The following LRMDA variants were observed in gnomAD, a reference collection of about 807,000 sequenced individuals.
LRMDA encodes leucine-rich melanocyte differentiation-associated protein.
Under a neutral mutation model 29.8 loss-of-function variants are expected in LRMDA, and 18 were observed. The observed-to-expected ratio is 0.60, with a 90% CI of 0.42 to 0.90. The LOEUF (loss-of-function observed/expected upper bound fraction) is 0.90, where lower values mean the gene tolerates loss of function less well. Ranked by LOEUF, LRMDA falls within the 40% of genes least tolerant of loss-of-function variation. The probability of loss-of-function intolerance (pLI) is 0.00; values close to 1 mark genes in which losing one functional copy is unlikely to be tolerated. For missense variants in LRMDA, 273 were observed against 273.9 expected, an observed-to-expected ratio of 1.00 and a Z score of 0.02; for synonymous variants, 125 against 109.4, an observed-to-expected ratio of 1.14 and a Z score of -0.89.
chr10:75,528,976 G>T (rs967279402), intron 2 of LRMDA, among the ~76,000 whole-genome samples: 8 of 152,118 alleles, frequency 5.3e-5, no homozygotes, highest in Non-Finnish European at 8.8e-5. Flanking sequence ...TTCTTAGAAA[G>T]CAGAGTAAGA....
chr10:76,470,741 T>C (rs1842609722), intron 6 of LRMDA, among the ~76,000 whole-genome samples: 2 of 151,994 alleles, frequency 1.3e-5, no homozygotes, highest in Admixed American at 1.3e-4. Context: ...CAAGGACTGG[T>C]AGCAGAAGGG....
At chr10:75,480,453 G>A (rs2915030) in intron 2 of LRMDA, among the ~76,000 whole-genome samples, 2 of 121,070 alleles carry the variant, frequency 1.7e-5, no homozygotes, top group South Asian at 2.7e-4. Context: ...CAGGCGGCAT[G>A]TCTGTCCTCA....
At chr10:76,444,945 A>C in intron 6 of LRMDA, among the ~76,000 whole-genome samples, 1 of 152,250 alleles carries the variant, frequency 6.6e-6, no homozygotes, top group Admixed American at 6.5e-5. Flanking sequence ...GTACATATAT[A>C]TGTATATTTA....
rs149405317 is a variant in LRMDA at position 76,326,743 on chromosome 10, T to A, written c.601+2258T>A. ...CTTTTATGTAACTTCCAATGTCAAC[T>A]ATGATAGGTCCAAGATTCATGTCCT... On this transcript the variant is annotated intron_variant, in intron 6 of 6. Transcript: ENST00000611255. 1.9e-3 allele frequency among the ~76,000 whole-genome samples: 294 copies of A among 152,338 alleles called. 2 individuals carry two copies. The highest frequency in any genetic ancestry group is 6.4e-3 in the African/African-American group (264 of 41,574).
intron 2 of LRMDA, among the ~76,000 whole-genome samples, chr10:75,518,373 T>C (rs1488470714): frequency 6.6e-6 from 1 of 152,156 alleles, no homozygotes; most frequent in Non-Finnish European, 1.5e-5. Context: ...ATTGCCTCAA[T>C]CAGAGCCTGT....
At chr10:76,545,525 A>G (rs1460410817) in intron 6 of LRMDA, among the ~76,000 whole-genome samples, 1 of 151,988 alleles carries the variant, frequency 6.6e-6, no homozygotes, top group Non-Finnish European at 1.5e-5. Context: ...GTTCAGATCT[A>G]TTCTACATAT....
intron 5 of LRMDA, among the ~76,000 whole-genome samples, chr10:76,106,012 G>T (rs1849478315): frequency 1.3e-5 from 2 of 152,146 alleles, no homozygotes; most frequent in Admixed American, 1.3e-4. Context: ...CTCCCAAAGT[G>T]CTGGGATTAT....
At chr10:75,948,419 A>T (rs779223344) in intron 2 of LRMDA, among the ~76,000 whole-genome samples, 2 of 152,210 alleles carry the variant, frequency 1.3e-5, no homozygotes, top group Non-Finnish European at 2.9e-5. Context: ...TTTATTACGC[A>T]GTCTTCATTA....
intron 6 of LRMDA, among the ~76,000 whole-genome samples, chr10:76,411,750 C>T (rs1203480498): frequency 1.3e-5 from 2 of 152,232 alleles, no homozygotes; most frequent in African/African-American, 4.8e-5. Flanking sequence ...ACGCCCCTGA[C>T]AGGGGGCACA....
At chr10:75,619,473 G>C (rs1287283612) in intron 2 of LRMDA, among the ~76,000 whole-genome samples, 2 of 152,168 alleles carry the variant, frequency 1.3e-5, no homozygotes, top group Non-Finnish European at 2.9e-5. Context: ...AGTGTCAGCA[G>C]TTGTAGTTCA....
chr10:75,477,069 C>T (rs1844804009), intron 2 of LRMDA, among the ~76,000 whole-genome samples: 1 of 151,896 alleles, frequency 6.6e-6, no homozygotes, highest in South Asian at 2.1e-4. Flanking sequence ...CAGCTCACTG[C>T]TGCCTTGAAC....
chr10:75,786,665 A>G (rs1843477351), intron 2 of LRMDA, among the ~76,000 whole-genome samples: 1 of 152,136 alleles, frequency 6.6e-6, no homozygotes, highest in Non-Finnish European at 1.5e-5. Context: ...CTTTCCAGGA[A>G]GAATTTTGTT....
At chr10:75,522,778 G>A (rs1288993369) in intron 2 of LRMDA, among the ~76,000 whole-genome samples, 1 of 152,208 alleles carries the variant, frequency 6.6e-6, no homozygotes, top group Non-Finnish European at 1.5e-5. Context: ...AAAAGGGCAG[G>A]TATGTGGAGA....
intron 2 of LRMDA, among the ~76,000 whole-genome samples, chr10:75,500,462 T>G (rs1411716309): frequency 6.6e-6 from 1 of 152,212 alleles, no homozygotes; most frequent in Non-Finnish European, 1.5e-5. Flanking sequence ...CTCTTAAGAA[T>G]TCTTTCAGCT....
intron 6 of LRMDA, among the ~76,000 whole-genome samples, chr10:76,493,853 T>G (rs1842857037): frequency 6.6e-6 from 1 of 152,100 alleles, no homozygotes; most frequent in Non-Finnish European, 1.5e-5. Flanking sequence ...TTTCAATCCA[T>G]GCACATATTA....
intron 6 of LRMDA, among the ~76,000 whole-genome samples, chr10:76,347,847 T>A (rs1841127660): frequency 6.6e-6 from 1 of 152,220 alleles, no homozygotes; most frequent in Non-Finnish European, 1.5e-5. Flanking sequence ...ATTGGTATCA[T>A]CATTGGTTTA....
intron 2 of LRMDA, among the ~76,000 whole-genome samples, chr10:75,652,155 G>A (rs1334411708): frequency 6.6e-6 from 1 of 151,862 alleles, no homozygotes; most frequent in East Asian, 1.9e-4. Flanking sequence ...AAAATTCATT[G>A]CAGCCATGGG....
chr10:76,251,427 T>C (rs1852481269), intron 5 of LRMDA, among the ~76,000 whole-genome samples: 1 of 150,790 alleles, frequency 6.6e-6, no homozygotes, highest in Non-Finnish European at 1.5e-5. Context: ...TAATTTTTTG[T>C]ATTTTTAGTA....
chr10:75,876,187 G>A (rs1225416645), intron 2 of LRMDA, among the ~76,000 whole-genome samples: 1 of 152,242 alleles, frequency 6.6e-6, no homozygotes, highest in Non-Finnish European at 1.5e-5. Context: ...AGGTGCAGCT[G>A]AGGCTGCAGT....
Sources: gnomAD v4.1 joint callset for allele counts (sites outside exome capture counted in the v4.1 genomes callset) on GRCh38, gnomAD v4.1.1 for gene constraint, MANE v1.5 for transcripts, NCBI Gene and HGNC (gene_info 2026-07-23, HGNC 2026-07-21) for gene names.